The following SLIT2 variants were observed in gnomAD, a reference collection of about 807,000 sequenced individuals.
SLIT2 encodes the protein slit guidance ligand 2.
In SLIT2, 41 loss-of-function variants were observed where a neutral mutation model predicts 185.7. The observed-to-expected ratio is 0.22, with a 90% CI of 0.17 to 0.29. SLIT2 has a LOEUF of 0.29. Ranked by LOEUF, SLIT2 falls within the 10% of genes least tolerant of loss-of-function variation. The pLI is 1.00. For synonymous variants in SLIT2, 693 were observed against 680.2 expected, an observed-to-expected ratio of 1.02 and a Z score of -0.29; for missense variants, 1,571 against 1,909.0, an observed-to-expected ratio of 0.82 and a Z score of 3.30.
chr4:20,348,156 A>T (rs1285162318), intron 4 of SLIT2, among the ~76,000 whole-genome samples: 1 of 152,140 alleles, frequency 6.6e-6, no homozygotes, highest in Non-Finnish European at 1.5e-5. Context: ...AAGTTTTCAG[A>T]GTTTAGTGAG....
chr4:20,254,032 G>A lies in SLIT2; in HGVS notation c.179+38G>A. ...TCTTCGTCTTCCCCTCTCCCCATCCGGGCCGCGCACCCCTGCCTCCACTGG... is the reference window on the plus strand; with the variant it reads ...TCTTCGTCTTCCCCTCTCCCCATCCAGGCCGCGCACCCCTGCCTCCACTGG... On this transcript the variant is annotated intron_variant, in intron 1 of 36. Coordinates refer to ENST00000504154, the MANE Select transcript of SLIT2 (RefSeq NM_004787.4). The surrounding 1 kb of genome is among the most constrained non-coding windows in gnomAD (Gnocchi z 5.1). The A allele has an allele frequency of 6.3e-7, 1 of 1,578,652 alleles. No homozygotes were observed. Among genetic ancestry groups the A allele is most frequent in the Non-Finnish European group, 8.6e-7 (1 of 1,164,552 alleles).
chr4:20,330,551 G>A (rs1402594864), intron 4 of SLIT2, among the ~76,000 whole-genome samples: 2 of 152,130 alleles, frequency 1.3e-5, no homozygotes, highest in South Asian at 2.1e-4. Context: ...AAGGAAAAAT[G>A]AATTAATAGT....
At chr4:20,532,223 G>A (rs1304588895) in intron 17 of SLIT2, among the ~76,000 whole-genome samples, 165 bp downstream of exon 17, 1 of 152,126 alleles carries the variant, frequency 6.6e-6, no homozygotes, top group Non-Finnish European at 1.5e-5. Flanking sequence ...GGACTTTTCT[G>A]TGTGTTCAGC....
At chr4:20,473,019 C>T (rs188883732) in intron 5 of SLIT2, among the ~76,000 whole-genome samples, 25 of 151,646 alleles carry the variant, frequency 1.6e-4, no homozygotes, top group Admixed American at 1.5e-3. Flanking sequence ...TTTACTTTAC[C>T]GTTGGTTTTT....
intron 4 of SLIT2, among the ~76,000 whole-genome samples, chr4:20,299,802 T>G (rs1249313644): frequency 6.6e-6 from 1 of 152,088 alleles, no homozygotes; most frequent in African/African-American, 2.4e-5. Context: ...CAAAATACTT[T>G]CTTTAGCCTT....
intron 4 of SLIT2, among the ~76,000 whole-genome samples, chr4:20,463,489 A>ATGTGTGTG (rs1207095170): frequency 4.0e-5 from 4 of 100,024 alleles, no homozygotes; most frequent in African/African-American, 1.8e-4. Flanking sequence ...ATATATATAT[A>ATGTGTGTG]TATGTGTGTG....
intron 4 of SLIT2, among the ~76,000 whole-genome samples, chr4:20,412,664 T>G (rs894775389): frequency 3.9e-5 from 6 of 152,116 alleles, no homozygotes; most frequent in African/African-American, 1.4e-4. Context: ...AATAAAAACT[T>G]TATTGATATG....
At chr4:20,570,312 TAAAC>T (rs533089829) in intron 29 of SLIT2, among the ~76,000 whole-genome samples, 154 of 152,120 alleles carry the variant, frequency 1.0e-3, no homozygotes, top group African/African-American at 3.6e-3. Context: ...ATATTTTACA[TAAAC>T]AAAGAATAGC....
intron 21 of SLIT2, among the ~76,000 whole-genome samples, chr4:20,543,972 T>C (rs1395099331): frequency 6.6e-6 from 1 of 152,024 alleles, no homozygotes; most frequent in Non-Finnish European, 1.5e-5. Flanking sequence ...TAGATGCCTA[T>C]AGAATATTCT....
At chr4:20,471,995 C>T (rs76989817) in intron 5 of SLIT2, among the ~76,000 whole-genome samples, 6,753 of 151,518 alleles carry the variant, frequency 0.045, 224 homozygotes, top group African/African-American at 0.083. Flanking sequence ...TGACATTTTA[C>T]ACAATGAGAT....
chr4:20,493,246 GCCC>G (rs1717941563), intron 9 of SLIT2, among the ~76,000 whole-genome samples: 1 of 152,122 alleles, frequency 6.6e-6, no homozygotes, highest in Admixed American at 6.6e-5. Flanking sequence ...GAAATATAAT[GCCC>G]TAAAGAATAC....
chr4:20,474,266 A>G (rs964476802), intron 5 of SLIT2, among the ~76,000 whole-genome samples: 1 of 152,178 alleles, frequency 6.6e-6, no homozygotes, highest in East Asian at 1.9e-4. Context: ...ATTCATATAT[A>G]TAAAAAAATT....
At chr4:20,431,985 G>A (rs73108643) in intron 4 of SLIT2, among the ~76,000 whole-genome samples, 3 of 150,654 alleles carry the variant, frequency 2.0e-5, no homozygotes, top group African/African-American at 7.3e-5. Flanking sequence ...GTGTGTGTGT[G>A]TAAATCTCTC....
chr4:20,339,093 A>G (rs1720749452), intron 4 of SLIT2, among the ~76,000 whole-genome samples: 1 of 142,894 alleles, frequency 7.0e-6, no homozygotes, highest in Non-Finnish European at 1.6e-5. Flanking sequence ...ACACTCTCAA[A>G]AAAAAAAAAA....
At chr4:20,260,499 A>T (rs907840906) in intron 3 of SLIT2, among the ~76,000 whole-genome samples, 1 of 151,834 alleles carries the variant, frequency 6.6e-6, no homozygotes, top group East Asian at 1.9e-4. Flanking sequence ...TGTGTAATTT[A>T]TGGTTTTAAG....
chr4:20,330,468 ATTAG>A (rs1317422729), intron 4 of SLIT2, among the ~76,000 whole-genome samples: 2 of 152,100 alleles, frequency 1.3e-5, no homozygotes, highest in Non-Finnish European at 2.9e-5. Context: ...ATTTTGAAAA[ATTAG>A]TTATTTTTCA....
At chr4:20,365,305 C>T (rs775215170) in intron 4 of SLIT2, among the ~76,000 whole-genome samples, 7 of 152,000 alleles carry the variant, frequency 4.6e-5, no homozygotes, top group Non-Finnish European at 7.4e-5. Flanking sequence ...CACAGGGAGG[C>T]GGCCAGTTCA....
At chr4:20,258,768 T>C (rs1414548730) in intron 3 of SLIT2, among the ~76,000 whole-genome samples, 1 of 151,774 alleles carries the variant, frequency 6.6e-6, no homozygotes, top group African/African-American at 2.4e-5. Flanking sequence ...TGTTTGCATT[T>C]TGAAGGCAAA....
intron 4 of SLIT2, among the ~76,000 whole-genome samples, chr4:20,466,475 T>A (rs1470448851): frequency 2.6e-5 from 4 of 152,180 alleles, no homozygotes; most frequent in African/African-American, 9.7e-5. Context: ...ACTGTTTAAA[T>A]AGACTAGTAT....
Sources: allele counts gnomAD v4.1 joint callset (sites outside exome capture counted in the v4.1 genomes callset), GRCh38; gene constraint gnomAD v4.1.1; non-coding constraint Gnocchi (gnomAD v3.1); transcripts MANE v1.5; gene names NCBI Gene and HGNC (gene_info 2026-07-23, HGNC 2026-07-21).